The following PTPRG variants were observed in gnomAD, a reference collection of about 807,000 sequenced individuals.
PTPRG encodes protein tyrosine phosphatase receptor type G.
Under a neutral mutation model 165.3 loss-of-function variants are expected in PTPRG, and 102 were observed. That is an observed-to-expected ratio of 0.62 (90% confidence interval 0.53 to 0.73). PTPRG has a LOEUF of 0.73. PTPRG is among the 30% of genes least tolerant of loss of function. The pLI is 0.00. For missense variants in PTPRG, 1,866 were observed against 1,861.4 expected, an observed-to-expected ratio of 1.00 and a Z score of -0.05; for synonymous variants, 675 against 669.5, an observed-to-expected ratio of 1.01 and a Z score of -0.13.
At chr3:61,784,237 G>C (rs1473603086) in intron 2 of PTPRG, among the ~76,000 whole-genome samples, 2 of 152,296 alleles carry the variant, frequency 1.3e-5, no homozygotes, top group Non-Finnish European at 2.9e-5. Context: ...CCCAGCAGCT[G>C]ATCTGAAGGG....
intron 2 of PTPRG, among the ~76,000 whole-genome samples, chr3:61,949,044 A>G (rs77469535): frequency 9.4e-6 from 1 of 106,614 alleles, no homozygotes; most frequent in African/African-American, 3.8e-5. Flanking sequence ...ACAAGCCAAG[A>G]AAAAAAAAAA....
At chr3:61,851,093 C>G (rs1468093166) in intron 2 of PTPRG, among the ~76,000 whole-genome samples, 3 of 152,176 alleles carry the variant, frequency 2.0e-5, no homozygotes, top group Non-Finnish European at 4.4e-5. Flanking sequence ...CTATATGGTA[C>G]TAAGACTGAG....
Position 62,193,059 on chromosome 3 carries a change from G to C in PTPRG, c.1218+1406G>C, listed in dbSNP as rs576576835. Among the ~76,000 whole-genome samples, 15 of 152,318 alleles carry C rather than the reference G, an allele frequency of 9.8e-5. No homozygotes were observed. The South Asian group carries it at 2.9e-3, about 29-fold the overall frequency. On this transcript the variant is annotated intron_variant, in intron 9 of 29. Coordinates refer to ENST00000474889, the MANE Select transcript of PTPRG (RefSeq NM_002841.4). ...ATGATGAGCTTCGTGAAATCAAAGA[G>C]GAATGTGTTGAAAGGCACCCAAGGT...
chr3:62,059,216 A>T (rs568584061), intron 4 of PTPRG, among the ~76,000 whole-genome samples: 1 of 152,374 alleles, frequency 6.6e-6, no homozygotes, highest in East Asian at 1.9e-4. Flanking sequence ...CCTAATCTTC[A>T]CGAAGCACAT....
At chr3:62,019,809 CAAT>C (rs1200490720) in intron 4 of PTPRG, among the ~76,000 whole-genome samples, 1 of 152,138 alleles carries the variant, frequency 6.6e-6, no homozygotes, top group South Asian at 2.1e-4. Context: ...AAAACTCTTA[CAAT>C]AATAATGATA....
intron 2 of PTPRG, among the ~76,000 whole-genome samples, chr3:61,767,585 A>G (rs1478855610): frequency 6.6e-6 from 1 of 152,248 alleles, no homozygotes; most frequent in East Asian, 1.9e-4. Context: ...AGGGAAAGCT[A>G]GAATATAAAA....
chr3:62,098,807 A>G (rs1164512276), intron 5 of PTPRG, among the ~76,000 whole-genome samples: 1 of 152,220 alleles, frequency 6.6e-6, no homozygotes, highest in Non-Finnish European at 1.5e-5. Context: ...AGAGTCTGGT[A>G]TCTTCCAACC....
chr3:61,725,732 GGAATGGCTACTGTGTTCATT>G (rs2032231770), intron 1 of PTPRG, among the ~76,000 whole-genome samples: 1 of 137,746 alleles, frequency 7.3e-6, no homozygotes, highest in Non-Finnish European at 1.6e-5. Context: ...TTTTTGGCTT[GGAATGGCTACTGTGTTCATT>G]GCAAATGACC....
chr3:62,069,684 T>TCTCTCTCTCTCTCTCTCTCTCACACA (rs542306888), intron 4 of PTPRG, among the ~76,000 whole-genome samples: 1 of 145,058 alleles, frequency 6.9e-6, no homozygotes, highest in South Asian at 2.3e-4. Context: ...TCTCTCTCTC[T>TCTCTCTCTCTCTCTCTCTCTCACACA]CACACACAGA....
At chr3:61,879,629 A>AT (rs1350137795) in intron 2 of PTPRG, among the ~76,000 whole-genome samples, 2 of 152,146 alleles carry the variant, frequency 1.3e-5, no homozygotes, top group Non-Finnish European at 2.9e-5. Context: ...TGTTTAGTAG[A>AT]TTTTAAATAA....
chr3:61,865,011 C>T (rs976581824), intron 2 of PTPRG, among the ~76,000 whole-genome samples: 3 of 152,144 alleles, frequency 2.0e-5, no homozygotes, highest in Non-Finnish European at 2.9e-5. Flanking sequence ...TGCTCAGAGA[C>T]CATTTTATGT....
intron 2 of PTPRG, among the ~76,000 whole-genome samples, chr3:61,957,870 G>C (rs925198983): frequency 4.6e-5 from 7 of 152,150 alleles, no homozygotes; most frequent in African/African-American, 1.7e-4. Context: ...ATGACACTTA[G>C]GTGGTTTGAC....
At chr3:61,792,019 A>G (rs1359800571) in intron 2 of PTPRG, among the ~76,000 whole-genome samples, 1 of 152,196 alleles carries the variant, frequency 6.6e-6, no homozygotes, top group Non-Finnish European at 1.5e-5. Flanking sequence ...TTAGTTCTAG[A>G]CACTGGAATG....
At chr3:62,153,258 C>G (rs1704403183) in intron 6 of PTPRG, among the ~76,000 whole-genome samples, 2 of 152,190 alleles carry the variant, frequency 1.3e-5, no homozygotes, top group African/African-American at 4.8e-5. Flanking sequence ...CACATGCTTG[C>G]CTTGATAAAT....
intron 5 of PTPRG, among the ~76,000 whole-genome samples, chr3:62,098,181 C>T (rs950937446): frequency 4.6e-5 from 7 of 151,654 alleles, no homozygotes; most frequent in African/African-American, 1.7e-4. Context: ...TCTTTAAGAC[C>T]AGTACAAGCC....
chr3:62,095,397 A>C (rs1455440352), intron 5 of PTPRG, among the ~76,000 whole-genome samples: 1 of 152,194 alleles, frequency 6.6e-6, no homozygotes, highest in Non-Finnish European at 1.5e-5. Context: ...CAGCAGTTAG[A>C]GGTTACACCA....
At chr3:62,205,491 AC>A (rs1332307951) in intron 12 of PTPRG, among the ~76,000 whole-genome samples, 1 of 152,106 alleles carries the variant, frequency 6.6e-6, no homozygotes, top group African/African-American at 2.4e-5. Context: ...ACAAATACAT[AC>A]CCTTAAGTAG....
At chr3:61,782,350 A>G (rs112268924) in intron 2 of PTPRG, among the ~76,000 whole-genome samples, 8 of 152,368 alleles carry the variant, frequency 5.3e-5, no homozygotes, top group African/African-American at 1.9e-4. Flanking sequence ...CAAACCAATC[A>G]GTGCTAATTT....
chr3:61,738,302 A>ATGTG (rs1559583352), intron 1 of PTPRG, among the ~76,000 whole-genome samples: 9 of 81,474 alleles, frequency 1.1e-4, no homozygotes, highest in South Asian at 9.4e-4. Context: ...ATATATATAT[A>ATGTG]TATATATATA....
Sources: gnomAD v4.1 joint callset for allele counts (sites outside exome capture counted in the v4.1 genomes callset) on GRCh38, gnomAD v4.1.1 for gene constraint, MANE v1.5 for transcripts, NCBI Gene and HGNC (gene_info 2026-07-23, HGNC 2026-07-21) for gene names.